The following RMDN2 variants were observed in gnomAD, a reference collection of about 807,000 sequenced individuals.
RMDN2 encodes the protein regulator of microtubule dynamics 2.
RMDN2 carries 61 observed loss-of-function variants against 52.8 expected under a neutral mutation model. That is an observed-to-expected ratio of 1.16 (90% confidence interval 0.94 to 1.43). RMDN2 has a LOEUF of 1.43. RMDN2 is among the 40% of genes most tolerant of loss of function. The pLI is 0.00. For synonymous variants in RMDN2, 180 were observed against 153.1 expected, an observed-to-expected ratio of 1.18 and a Z score of -1.30; for missense variants, 592 against 475.3, an observed-to-expected ratio of 1.25 and a Z score of -2.28.
intron 7 of RMDN2, among the ~76,000 whole-genome samples, chr2:37,991,791 C>T (rs1674833139): frequency 1.3e-5 from 2 of 152,128 alleles, no homozygotes; most frequent in Admixed American, 1.3e-4. Flanking sequence ...TAAAACACTC[C>T]TTGCTTTTAA....
At chr2:38,047,660 G>A (rs907558352) in intron 10 of RMDN2, among the ~76,000 whole-genome samples, 1 of 152,104 alleles carries the variant, frequency 6.6e-6, no homozygotes, top group African/African-American at 2.4e-5. Context: ...TTTGTTAAAT[G>A]TATTCCTAAA....
At chr2:38,021,232 C>T (rs1051037596), downstream of RMDN2, among the ~76,000 whole-genome samples, 5 of 152,100 alleles carry the variant, frequency 3.3e-5, no homozygotes, top group African/African-American at 1.2e-4. Context: ...ATTGTAAACA[C>T]GCCAATCAGC....
intron 4 of RMDN2, among the ~76,000 whole-genome samples, chr2:37,980,922 A>G (rs1447387214): frequency 6.6e-6 from 1 of 152,204 alleles, no homozygotes; most frequent in Non-Finnish European, 1.5e-5. Flanking sequence ...AGTATGGCAC[A>G]TAGTAGGTAC....
At chr2:37,961,623 T>C (rs757109662) in intron 2 of RMDN2, among the ~76,000 whole-genome samples, 12 of 152,064 alleles carry the variant, frequency 7.9e-5, no homozygotes, top group Non-Finnish European at 1.5e-4. Context: ...CTTCCTTGCA[T>C]TGGGTTAGGA....
chr2:37,979,056 A>T (rs1418412195), intron 4 of RMDN2, among the ~76,000 whole-genome samples: 1 of 152,206 alleles, frequency 6.6e-6, no homozygotes, highest in Admixed American at 6.5e-5. Flanking sequence ...TTGAAATAGG[A>T]TATATCCAAA....
intron 2 of RMDN2, among the ~76,000 whole-genome samples, chr2:37,971,352 T>C (rs1236568857): frequency 2.0e-5 from 3 of 152,152 alleles, no homozygotes; most frequent in African/African-American, 4.8e-5. Context: ...TCCGCTAAAC[T>C]GTCTTGGCAC....
Position 38,042,428 on chromosome 2 carries a change from A to ACAC in RMDN2, c.1714-24553_1714-24551dup, listed in dbSNP as rs1558582691. Among the ~76,000 whole-genome samples, 514 of 136,624 alleles carry ACAC rather than the reference A, an allele frequency of 3.8e-3. 5 individuals are homozygous for ACAC. Among genetic ancestry groups the ACAC allele is most frequent in the African/African-American group, 0.015 (477 of 31,048 alleles). The allele number at this position is 136,624 out of a possible 152,430, so 89.6% of individuals were successfully genotyped here. On this transcript the variant is annotated intron_variant, in intron 10 of 10. Coordinates refer to the RMDN2 transcript ENST00000234195. ...CCACACACACACACACACACACCAC[A>ACAC]CACACACACACACACCACACACACA...
At chr2:38,063,111 A>C (rs1682124602) in intron 10 of RMDN2, among the ~76,000 whole-genome samples, 1 of 152,202 alleles carries the variant, frequency 6.6e-6, no homozygotes, top group African/African-American at 2.4e-5. Context: ...AGCATGATTT[A>C]TAATCCTTTG....
chr2:37,940,353 ATG>A (rs1380729974), intron 2 of RMDN2, among the ~76,000 whole-genome samples: 1 of 151,904 alleles, frequency 6.6e-6, no homozygotes, highest in East Asian at 1.9e-4. Context: ...TCTGACAATT[ATG>A]TGTTTTGGGG....
At chr2:38,032,393 G>A (rs1427792735) in intron 10 of RMDN2, among the ~76,000 whole-genome samples, 1 of 152,134 alleles carries the variant, frequency 6.6e-6, no homozygotes. Context: ...GAACATTTTT[G>A]AGATTCATCT....
intron 10 of RMDN2, among the ~76,000 whole-genome samples, chr2:38,032,500 G>C (rs1027487299): frequency 6.6e-6 from 1 of 152,094 alleles, no homozygotes; most frequent in African/African-American, 2.4e-5. Flanking sequence ...TCACCTGTTT[G>C]GGGTTGTTTA....
At position 38,054,870 on chromosome 2, in the gene RMDN2, C is replaced by T. The variant is rs548303685; in HGVS notation, c.1714-12112C>T. 1.3e-4 allele frequency among the ~76,000 whole-genome samples: 20 copies of T among 152,292 alleles called. No individual in the cohort carries two copies. The South Asian group carries it at 3.9e-3, about 30-fold the overall frequency. ...AATATAGAATACAGCACAGGACATG[C>T]TCCATAGTAAGGGCTCTGCTCTCTC... is the stretch of plus-strand genomic sequence containing the variant. On this transcript the variant is annotated intron_variant, in intron 10 of 10. Transcript: ENST00000234195.
chr2:37,978,237 G>T (rs1672810863), intron 4 of RMDN2, among the ~76,000 whole-genome samples: 1 of 151,050 alleles, frequency 6.6e-6, no homozygotes, highest in South Asian at 2.1e-4. Context: ...GGAGAATCAG[G>T]CAGGGAGGTT....
rs184003090 is a variant in RMDN2, at chr2:37,977,726, C to A, written c.730+2412C>A. ...GGCGCTCTTCACATCTCAGATGGGG[C>A]GGCGGGGCAGAGGCGCTCCCCACAT... On this transcript the variant is annotated intron_variant, in intron 4 of 10. Transcript: ENST00000354545. Among the ~76,000 whole-genome samples, 1,066 of 149,490 alleles carry A rather than the reference C, an allele frequency of 7.1e-3. 10 individuals carry two copies. Among genetic ancestry groups the A allele is most frequent in the Non-Finnish European group, 0.011 (757 of 67,392 alleles).
At chr2:37,998,699 G>A (rs1464472184) in intron 8 of RMDN2, among the ~76,000 whole-genome samples, 1 of 152,004 alleles carries the variant, frequency 6.6e-6, no homozygotes, top group Non-Finnish European at 1.5e-5. Flanking sequence ...TAAGTGTCCT[G>A]AAATCAAGCA....
In RMDN2 at chr2:37,925,374, A is replaced by G. The variant is rs1384606654; in HGVS notation, c.-68A>G. On this transcript the variant is annotated 5_prime_UTR_variant, in exon 1 of 11. Transcript: ENST00000354545. ...TGTCCGTCCGCCACTGCGCGCCAGC[A>G]GGTCCTGGTCTCCGCTCTCCAACAG... is the stretch of plus-strand genomic sequence containing the variant. The G allele has an allele frequency of 6.6e-6, 1 of 152,370 alleles. No homozygotes were observed. Among genetic ancestry groups the G allele is most frequent in the East Asian group, 1.9e-4 (1 of 5,186 alleles). The allele number at this position is 152,370 out of a possible 1,614,324, so 9.4% of individuals were successfully genotyped here. A position where few individuals can be genotyped will look rare whatever the true frequency, so the allele number is the denominator to read the frequency against.
chr2:37,975,069 C>T (rs542916792), intron 3 of RMDN2, 143 bp from the exon 4 acceptor site: 355 of 638,476 alleles, frequency 5.6e-4, no homozygotes, highest in Middle Eastern at 8.1e-4. Flanking sequence ...ATGTTTCACA[C>T]GAAATATGCA....
chr2:38,010,835 A>G (rs1677880245), intron 10 of RMDN2, among the ~76,000 whole-genome samples: 1 of 152,182 alleles, frequency 6.6e-6, no homozygotes, highest in Non-Finnish European at 1.5e-5. Flanking sequence ...AGCTGTTGCT[A>G]TTCAGCCATC....
At chr2:37,928,939 G>A (rs971174856) in intron 1 of RMDN2, 1 of 161,150 alleles carries the variant, frequency 6.2e-6, no homozygotes, top group African/African-American at 2.4e-5. Flanking sequence ...TGGACCAAGT[G>A]AGTATCTTTA....
Sources: allele counts gnomAD v4.1 joint callset (sites outside exome capture counted in the v4.1 genomes callset), GRCh38; gene constraint gnomAD v4.1.1; transcripts MANE v1.5; gene names NCBI Gene and HGNC (gene_info 2026-07-23, HGNC 2026-07-21).